The following KCNJ5 variants were observed in gnomAD, a reference collection of about 807,000 sequenced individuals.
KCNJ5 encodes the protein G protein-activated inward rectifier potassium channel 4.
A neutral mutation model predicts 20.2 loss-of-function variants in KCNJ5; 12 were observed. The observed-to-expected ratio is 0.59, with a 90% CI of 0.38 to 0.96. KCNJ5 has a LOEUF of 0.96. KCNJ5 is among the 40% of genes least tolerant of loss of function. KCNJ5 has a pLI of 0.00. For missense variants in KCNJ5, 449 were observed against 557.6 expected (o/e 0.81, Z 1.96); for synonymous variants, 210 against 213.9 (o/e 0.98, Z 0.16).
rs1383086909 is a variant in KCNJ5 at position 128,911,013 on chromosome 11, G to T, written c.-10-251G>T. 6.6e-6 allele frequency among the ~76,000 whole-genome samples: 1 copy of T among 152,152 alleles called. No individual in the cohort carries two copies. The highest frequency in any genetic ancestry group is 1.5e-5 in the Non-Finnish European group (1 of 68,022). ...ACACTTAATGTGTAGTTTGCACCTA[G>T]ATATTGTTCATTTATTCATTCAACA... On this transcript the variant is annotated intron_variant, in intron 1 of 2. Coordinates refer to ENST00000529694, the MANE Select transcript of KCNJ5 (RefSeq NM_000890.5). This position sits in a 1 kb window ranked among gnomAD's most constrained non-coding sequence, Gnocchi z 6.3.
At chr11:128,896,982 T>C (rs1944186876) in intron 1 of KCNJ5, among the ~76,000 whole-genome samples, 1 of 152,190 alleles carries the variant, frequency 6.6e-6, no homozygotes, top group African/African-American at 2.4e-5. Context: ...ATCCAGTTTC[T>C]CTGCATCTTT....
intron 1 of KCNJ5, among the ~76,000 whole-genome samples, chr11:128,896,681 A>T (rs1208851793): frequency 6.6e-6 from 1 of 152,024 alleles, no homozygotes; most frequent in Non-Finnish European, 1.5e-5. Flanking sequence ...GGAATCGTCC[A>T]TAGTGGGAAG....
At chr11:128,899,043 C>T (rs2846700) in intron 1 of KCNJ5, among the ~76,000 whole-genome samples, 128,187 of 152,188 alleles carry the variant, frequency 0.84, 54,163 homozygotes, top group African/African-American at 0.91. Flanking sequence ...TCATTTCTTA[C>T]CCCATGATAT....
intron 1 of KCNJ5, among the ~76,000 whole-genome samples, chr11:128,892,650 TG>T (rs1276457673): frequency 3.3e-5 from 5 of 152,260 alleles, no homozygotes; most frequent in African/African-American, 1.2e-4. Context: ...CCAGAGAGGC[TG>T]TGCAATTTGC....
At chr11:128,891,900 T>C (rs1944097878) in intron 1 of KCNJ5, among the ~76,000 whole-genome samples, 179 bp downstream of exon 1, 1 of 152,164 alleles carries the variant, frequency 6.6e-6, no homozygotes, top group East Asian at 1.9e-4. Context: ...AAATTGGAGA[T>C]CTCCGTGGCT....
chr11:128,909,525 G>T (rs1944469458), intron 1 of KCNJ5, among the ~76,000 whole-genome samples: 1 of 152,260 alleles, frequency 6.6e-6, no homozygotes, highest in Non-Finnish European at 1.5e-5. Context: ...AGGGCTCTGG[G>T]TTATGGAGTT....
chr11:128,904,729 A>G (rs1315575451), intron 1 of KCNJ5: 1 of 576,040 alleles, frequency 1.7e-6, no homozygotes, highest in African/African-American at 1.9e-5. Context: ...TAATTCAAAC[A>G]CCCAGTGGGT....
chr11:128,899,789 T>C (rs1165137333), intron 1 of KCNJ5: 2 of 152,202 alleles, frequency 1.3e-5, no homozygotes, highest in African/African-American at 2.4e-5. Flanking sequence ...TGACTTTTCA[T>C]ACATCTTCTG....
At chr11:128,909,560 C>T (rs1203025129) in intron 1 of KCNJ5, among the ~76,000 whole-genome samples, 1 of 152,200 alleles carries the variant, frequency 6.6e-6, no homozygotes, top group Non-Finnish European at 1.5e-5. Context: ...TGGGCTAATT[C>T]CTACATGTTT....
chr11:128,902,183 C>A, intron 1 of KCNJ5: 1 of 232,826 alleles, frequency 4.3e-6, no homozygotes, highest in Non-Finnish European at 8.4e-6. Context: ...GGCCTCATTC[C>A]ACTCATCTCG....
intron 1 of KCNJ5, among the ~76,000 whole-genome samples, chr11:128,906,444 C>T (rs1046026210): frequency 2.6e-5 from 4 of 152,182 alleles, no homozygotes; most frequent in Non-Finnish European, 5.9e-5. Context: ...AGGCTTGATG[C>T]GACTGTGTCC....
At position 128,912,025 on chromosome 11, in the gene KCNJ5, C is replaced by T; in HGVS notation, c.752C>T (p.Pro251Leu). 6.2e-7 allele frequency: 1 copy of T among 1,613,096 alleles called. No individual in the cohort carries two copies. Among genetic ancestry groups the T allele is most frequent in the South Asian group, 1.1e-5 (1 of 91,036 alleles). The stretch of plus-strand genomic sequence containing the variant: ...CAGACCAAAGAGGGGGAGTTCATCC[C>T]CCTGAACCAGACAGACATCAACGTG... ...SRQTKEGEFI[P>L]LNQTDINVGF... The change falls in exon 2 of 3, where the codon CCC becomes CTC. Residue 251 changes from proline (P) to leucine (L), a missense_variant. Pro to Leu is a moderately conservative substitution (Grantham distance 98). This residue lies in a region of KCNJ5 where 145 missense variants were observed against 166.2 expected (regional missense o/e 0.87). Transcript: ENST00000529694.
intron 1 of KCNJ5, among the ~76,000 whole-genome samples, chr11:128,898,780 G>A (rs1038126677): frequency 1.3e-5 from 2 of 152,014 alleles, no homozygotes; most frequent in Non-Finnish European, 2.9e-5. Context: ...TGCTGTCTGC[G>A]ATTCTCATAC....
At chr11:128,912,697 G>A (rs1174925912) in intron 2 of KCNJ5, among the ~76,000 whole-genome samples, 1 of 152,156 alleles carries the variant, frequency 6.6e-6, no homozygotes, top group African/African-American at 2.4e-5. Flanking sequence ...TTTTAGTAGA[G>A]ACAGGGTTTC....
chr11:128,907,585 C>T (rs1054370739), intron 1 of KCNJ5, among the ~76,000 whole-genome samples: 1 of 152,228 alleles, frequency 6.6e-6, no homozygotes, highest in Non-Finnish European at 1.5e-5. Flanking sequence ...AAGCTTTCAT[C>T]ATGTCTCAAC....
intron 2 of KCNJ5, among the ~76,000 whole-genome samples, chr11:128,913,237 G>A (rs1427785343): frequency 1.3e-5 from 2 of 152,202 alleles, no homozygotes; most frequent in Admixed American, 1.3e-4. Flanking sequence ...TCTTGCAGAA[G>A]GTTGGTTTAG....
chr11:128,909,457 C>G (rs1236168035), intron 1 of KCNJ5, among the ~76,000 whole-genome samples: 1 of 152,256 alleles, frequency 6.6e-6, no homozygotes, highest in Non-Finnish European at 1.5e-5. Context: ...GAGCGCTGCA[C>G]TGGTCCTCAT....
At chr11:128,915,572 T>C (rs1944564595) in intron 2 of KCNJ5, among the ~76,000 whole-genome samples, 1 of 152,194 alleles carries the variant, frequency 6.6e-6, no homozygotes, top group African/African-American at 2.4e-5. Flanking sequence ...TACCTTCAAC[T>C]ATTCCAACAT....
rs140697732 is a variant in KCNJ5 at position 128,911,711 on chromosome 11, C to T, written c.438C>T (p.Thr146=). 53 of 1,614,112 alleles carry T rather than the reference C, an allele frequency of 3.3e-5. No homozygotes were observed. The highest frequency in any genetic ancestry group is 8.3e-5 in the Admixed American group (5 of 60,018). ...FVSAFLFSIE[T]ETTIGYGFRV... ...CCGCTTTCCTGTTCTCCATTGAGAC[C>T]GAAACAACCATTGGGTATGGCTTCC... Residue 146 remains threonine, a synonymous_variant, in exon 2 of 3, where the codon ACC becomes ACT. Coordinates refer to ENST00000529694, the MANE Select transcript of KCNJ5 (RefSeq NM_000890.5). This position sits in a 1 kb window ranked among gnomAD's most constrained non-coding sequence, Gnocchi z 6.3.
Sources: gnomAD v4.1 joint callset for allele counts (sites outside exome capture counted in the v4.1 genomes callset) on GRCh38, gnomAD v4.1.1 for gene constraint, gnomAD v4.1.1 regional missense constraint, Gnocchi (gnomAD v3.1) non-coding constraint, MANE v1.5 for transcripts, NCBI Gene and HGNC (gene_info 2026-07-23, HGNC 2026-07-21) for gene names.